The following ENTPD7 variants were observed in gnomAD, a reference collection of about 807,000 sequenced individuals.
ENTPD7 encodes ectonucleoside triphosphate diphosphohydrolase 7.
Under a neutral mutation model 77.9 loss-of-function variants are expected in ENTPD7, and 53 were observed. That is an observed-to-expected ratio of 0.68 (90% CI 0.55 to 0.85). The LOEUF (loss-of-function observed/expected upper bound fraction) is 0.85, where lower values mean the gene tolerates loss of function less well. Ranked by LOEUF, ENTPD7 falls within the 40% of genes least tolerant of loss-of-function variation. ENTPD7 has a pLI of 0.00. For synonymous variants in ENTPD7, 248 were observed against 274.9 expected (o/e 0.90, Z 0.97); for missense variants, 636 against 743.7 (o/e 0.86, Z 1.68).
chr10:99,692,084 A>G (rs770268493), intron 8 of ENTPD7, among the ~76,000 whole-genome samples: 2 of 152,220 alleles, frequency 1.3e-5, no homozygotes, highest in Non-Finnish European at 2.9e-5. Context: ...AGACAATATT[A>G]TGTACAAGGA....
At position 99,709,833 on chromosome 10, in the gene ENTPD7, C is replaced by A. The variant is rs1191640959; in HGVS notation, c.*5150C>A. 3 of 985,050 alleles carry A rather than the reference C, an allele frequency of 3.0e-6. No individual in the cohort carries two copies. The highest frequency in any genetic ancestry group is 3.6e-6 in the Non-Finnish European group (3 of 829,778). 61.0% of individuals were successfully genotyped at this position (985,050 alleles called of 1,614,324 possible). A position where few individuals can be genotyped will look rare whatever the true frequency, so the allele number is the denominator to read the frequency against. Reference sequence around the variant, plus strand: ...TCATTATTTTCCAGTTTGTCAGTACCGTTATCAGAGGGACGAGGAAGGAAT... The same window carrying A: ...TCATTATTTTCCAGTTTGTCAGTACAGTTATCAGAGGGACGAGGAAGGAAT... On this transcript the variant is annotated 3_prime_UTR_variant, in exon 13 of 13. Coordinates refer to ENST00000370489, the MANE Select transcript of ENTPD7 (RefSeq NM_020354.5).
chr10:99,668,385 A>G (rs146793345), intron 3 of ENTPD7, among the ~76,000 whole-genome samples: 53 of 152,286 alleles, frequency 3.5e-4, no homozygotes, highest in African/African-American at 1.3e-3. Context: ...ATTTGGTTAC[A>G]TTTACTTAAG....
chr10:99,665,611 C>T (rs2035539319), intron 3 of ENTPD7, among the ~76,000 whole-genome samples: 2 of 152,116 alleles, frequency 1.3e-5, no homozygotes, highest in Admixed American at 6.5e-5. Flanking sequence ...GACTTTGGTA[C>T]ATTTTCTCAA....
chr10:99,707,583 T>C lies in ENTPD7; in HGVS notation c.*2900T>C, dbSNP rs1002848777. 6.6e-6 allele frequency among the ~76,000 whole-genome samples: 1 copy of C among 152,242 alleles called. No individual in the cohort carries two copies. Among genetic ancestry groups the C allele is most frequent in the Non-Finnish European group, 1.5e-5 (1 of 68,040 alleles). On this transcript the variant is annotated 3_prime_UTR_variant, in exon 13 of 13. Coordinates refer to ENST00000370489, the MANE Select transcript of ENTPD7 (RefSeq NM_020354.5). Reference sequence around the variant, plus strand: ...TGGTGTCATAAAATTCACATTCCACTGGTTCCTTTGAATCTTACCAACCAC... The same window carrying C: ...TGGTGTCATAAAATTCACATTCCACCGGTTCCTTTGAATCTTACCAACCAC...
intron 5 of ENTPD7, among the ~76,000 whole-genome samples, chr10:99,681,946 T>G (rs1229151730): frequency 6.6e-6 from 1 of 152,168 alleles, no homozygotes; most frequent in Admixed American, 6.5e-5. Context: ...CTTACCAAGG[T>G]ATAGTTCGCA....
chr10:99,679,955 G>A, intron 5 of ENTPD7, 80 bp downstream of exon 5: 2 of 1,506,534 alleles, frequency 1.3e-6, no homozygotes, highest in South Asian at 1.3e-5. Context: ...GTCCTCTGTG[G>A]TTCCCTGGTC....
At chr10:99,672,465 C>T (rs1388107722) in intron 3 of ENTPD7, among the ~76,000 whole-genome samples, 1 of 151,844 alleles carries the variant, frequency 6.6e-6, no homozygotes, top group Non-Finnish European at 1.5e-5. Context: ...ACCACCACAC[C>T]CGACTAATTT....
At position 99,705,039 on chromosome 10, in the gene ENTPD7, C is replaced by T. The variant is rs2036224700; in HGVS notation, c.*356C>T. On this transcript the variant is annotated 3_prime_UTR_variant, in exon 13 of 13. Transcript: ENST00000370489. ...GTTTGGCATTTGGCACACTGGAAGCCTGGTTGAAATGAAATTTGTAGCATC... is the reference window on the plus strand; with the variant it reads ...GTTTGGCATTTGGCACACTGGAAGCTTGGTTGAAATGAAATTTGTAGCATC... The T allele has an allele frequency of 4.0e-6, 1 of 252,768 alleles. No individual in the cohort carries two copies. Among genetic ancestry groups the T allele is most frequent in the Non-Finnish European group, 7.8e-6 (1 of 128,352 alleles). The allele number at this position is 252,768 out of a possible 1,614,324, so 15.7% of individuals were successfully genotyped here.
At chr10:99,681,266 G>A (rs369727061) in intron 5 of ENTPD7, among the ~76,000 whole-genome samples, 1 of 127,220 alleles carries the variant, frequency 7.9e-6, no homozygotes, top group South Asian at 2.5e-4. Flanking sequence ...ATGACAGTTT[G>A]ATTATTTATT....
chr10:99,703,034 C>G (rs779874058), intron 12 of ENTPD7, among the ~76,000 whole-genome samples: 1 of 152,176 alleles, frequency 6.6e-6, no homozygotes, highest in Non-Finnish European at 1.5e-5. Context: ...GAAAACACAT[C>G]TGACTAAAGA....
chr10:99,673,050 T>C (rs2035635073), intron 3 of ENTPD7, among the ~76,000 whole-genome samples: 1 of 152,240 alleles, frequency 6.6e-6, no homozygotes, highest in South Asian at 2.1e-4. Context: ...AACTTTCTTT[T>C]CATTGACTCA....
In ENTPD7 at chr10:99,706,035, AC is replaced by A. The variant is rs1365144089; in HGVS notation, c.*1353del. 1 of 152,132 alleles carries A rather than the reference AC, an allele frequency of 6.6e-6. No individual in the cohort carries two copies. Among genetic ancestry groups the A allele is most frequent in the African/African-American group, 2.4e-5 (1 of 41,424 alleles). 9.4% of individuals were successfully genotyped at this position (152,132 alleles called of 1,614,324 possible). On this transcript the variant is annotated 3_prime_UTR_variant, in exon 13 of 13. Coordinates refer to ENST00000370489, the MANE Select transcript of ENTPD7 (RefSeq NM_020354.5). ...ATGTCCTTTCCACGAATATGCTCCC[AC>A]GGCTGGGAGCATTTTCTTTTCTTTT...
At chr10:99,669,740 GTTTTTTT>G (rs71472510) in intron 3 of ENTPD7, among the ~76,000 whole-genome samples, 1 of 59,254 alleles carries the variant, frequency 1.7e-5, no homozygotes, top group African/African-American at 6.7e-5. Flanking sequence ...TAGATGTGTG[GTTTTTTT>G]TTTTTTTTTT....
intron 6 of ENTPD7, among the ~76,000 whole-genome samples, chr10:99,688,405 A>AT (rs940818600): frequency 2.0e-5 from 3 of 151,580 alleles, no homozygotes; most frequent in African/African-American, 7.3e-5. Flanking sequence ...CAAAATTTAC[A>AT]TTTTTTCTTT....
chr10:99,665,358 C>T (rs563126963), intron 3 of ENTPD7, among the ~76,000 whole-genome samples: 1 of 152,166 alleles, frequency 6.6e-6, no homozygotes, highest in Non-Finnish European at 1.5e-5. Context: ...CCATGACTCT[C>T]TTCTAAGAAT....
Position 99,708,722 on chromosome 10 carries a change from A to G in ENTPD7, c.*4039A>G. 1 of 561,628 alleles carries G rather than the reference A, an allele frequency of 1.8e-6. No individual in the cohort carries two copies. 34.8% of individuals were successfully genotyped at this position (561,628 alleles called of 1,614,324 possible). ...TAGTAATCATAATAAATTTCAGAAG[A>G]GTTTTAAAGCTTCTGGTCAACCCCC... On this transcript the variant is annotated 3_prime_UTR_variant, in exon 13 of 13. Coordinates refer to ENST00000370489, the MANE Select transcript of ENTPD7 (RefSeq NM_020354.5).
At chr10:99,660,277 G>A (rs1564625074) in intron 2 of ENTPD7, 15 of 982,708 alleles carry the variant, frequency 1.5e-5, no homozygotes, top group East Asian at 1.1e-4. Context: ...AAACAAAGAA[G>A]TTTTTTTGTT....
chr10:99,675,216 C>T (rs2035665245), intron 3 of ENTPD7, among the ~76,000 whole-genome samples: 1 of 152,084 alleles, frequency 6.6e-6, no homozygotes, highest in Admixed American at 6.5e-5. Flanking sequence ...ATTTGAACTT[C>T]CAAGTGAAAA....
rs3740078 is a variant in ENTPD7, at chr10:99,685,834, A to C, written c.591A>C (p.Pro197=). The change falls in exon 6 of 13, where the codon CCA becomes CCC. Residue 197 remains proline, a synonymous_variant. Coordinates refer to ENST00000370489, the MANE Select transcript of ENTPD7 (RefSeq NM_020354.5). ...AILADLVKDL[P]LEFDFLFSQS... ...TGGCTGACCTAGTGAAAGATTTACC[A>C]CTGGAGTTTGACTTCCTCTTTTCAC... The C allele has an allele frequency of 0.29, 463,309 of 1,612,620 alleles. 68,144 individuals carry two copies. The highest frequency in any genetic ancestry group is 0.3 in the Non-Finnish European group (357,127 of 1,179,162).
Sources: allele counts gnomAD v4.1 joint callset (sites outside exome capture counted in the v4.1 genomes callset), GRCh38; gene constraint gnomAD v4.1.1; transcripts MANE v1.5; gene names NCBI Gene and HGNC (gene_info 2026-07-23, HGNC 2026-07-21).